The following PTPRG variants were observed in gnomAD, a reference collection of about 807,000 sequenced individuals.
The protein encoded by PTPRG is protein tyrosine phosphatase receptor type G.
Under a neutral mutation model 165.3 loss-of-function variants are expected in PTPRG, and 102 were observed. That is an observed-to-expected ratio of 0.62 (90% confidence interval 0.53 to 0.73). The LOEUF (loss-of-function observed/expected upper bound fraction) is 0.73. Ranked by LOEUF, PTPRG falls within the 30% of genes least tolerant of loss-of-function variation. The pLI is 0.00. For missense variants in PTPRG, 1,866 were observed against 1,861.4 expected, an observed-to-expected ratio of 1.00 and a Z score of -0.05; for synonymous variants, 675 against 669.5, an observed-to-expected ratio of 1.01 and a Z score of -0.13.
chr3:62,001,208 G>A (rs952976176), intron 3 of PTPRG, among the ~76,000 whole-genome samples: 1 of 152,182 alleles, frequency 6.6e-6, no homozygotes, highest in Non-Finnish European at 1.5e-5. Context: ...TGGAAGGGGT[G>A]GGTGGACATG....
intron 1 of PTPRG, among the ~76,000 whole-genome samples, chr3:61,741,032 T>C (rs1025827360): frequency 2.0e-5 from 3 of 152,144 alleles, no homozygotes; most frequent in Non-Finnish European, 1.5e-5. Flanking sequence ...AAATGAGAGG[T>C]TGATCAGAAT....
intron 2 of PTPRG, among the ~76,000 whole-genome samples, chr3:61,792,939 G>A (rs945949023): frequency 2.0e-5 from 3 of 152,076 alleles, no homozygotes; most frequent in African/African-American, 7.2e-5. Flanking sequence ...ATGTTGGCCA[G>A]GATGATCTTG....
At position 61,906,348 on chromosome 3, in the gene PTPRG, C is replaced by T. The variant is rs145045497; in HGVS notation, c.191-83277C>T. Among the ~76,000 whole-genome samples the T allele has an allele frequency of 1.3e-3, 197 of 151,250 alleles. 4 individuals carry two copies. In the East Asian group the frequency reaches 0.017, roughly 13 times the overall value. On this transcript the variant is annotated intron_variant, in intron 2 of 29. Transcript: ENST00000474889. ...GTGTGCACCTTTAATCCCAGCTCCTCGGGAGGCTGAGGCAGGAGAATCATG... is the reference window on the plus strand; with the variant it reads ...GTGTGCACCTTTAATCCCAGCTCCTTGGGAGGCTGAGGCAGGAGAATCATG...
chr3:61,604,628 G>C (rs9812317), intron 1 of PTPRG, among the ~76,000 whole-genome samples: 4,899 of 152,216 alleles, frequency 0.032, 240 homozygotes, highest in African/African-American at 0.11. Context: ...TTGGTAAACT[G>C]AGTAAGCTGG....
intron 1 of PTPRG, among the ~76,000 whole-genome samples, chr3:61,567,685 T>TAAAAA (rs1699949421): frequency 1.1e-5 from 1 of 87,510 alleles, no homozygotes. Context: ...AAAAAAAAAT[T>TAAAAA]AAAAGATCAA....
At chr3:62,134,152 G>A (rs1703620674) in intron 6 of PTPRG, among the ~76,000 whole-genome samples, 1 of 151,722 alleles carries the variant, frequency 6.6e-6, no homozygotes, top group South Asian at 2.1e-4. Context: ...AAACCTTCAG[G>A]CGACAGCAGA....
At chr3:62,098,665 C>A (rs1166800596) in intron 5 of PTPRG, among the ~76,000 whole-genome samples, 1 of 152,250 alleles carries the variant, frequency 6.6e-6, no homozygotes, top group African/African-American at 2.4e-5. Context: ...TTTCTGTATT[C>A]TTTATTACCT....
At chr3:62,105,227 A>G (rs1203335575) in intron 5 of PTPRG, among the ~76,000 whole-genome samples, 2 of 152,194 alleles carry the variant, frequency 1.3e-5, no homozygotes, top group Admixed American at 1.3e-4. Flanking sequence ...TGTTTTAGTC[A>G]TTGTCAGTGG....
intron 1 of PTPRG, among the ~76,000 whole-genome samples, chr3:61,598,886 T>G (rs1207513177): frequency 6.6e-6 from 1 of 152,134 alleles, no homozygotes; most frequent in Non-Finnish European, 1.5e-5. Context: ...TCACCTGGTG[T>G]TCTCCCTGGC....
chr3:62,200,539 G>A (rs1209116772), intron 10 of PTPRG, among the ~76,000 whole-genome samples: 1 of 152,122 alleles, frequency 6.6e-6, no homozygotes, highest in African/African-American at 2.4e-5. Flanking sequence ...AAAGTGCTAG[G>A]ATTACAGGCT....
intron 7 of PTPRG, among the ~76,000 whole-genome samples, chr3:62,163,559 G>A (rs1279116591): frequency 6.6e-6 from 1 of 152,198 alleles, no homozygotes; most frequent in Non-Finnish European, 1.5e-5. Context: ...ACTTAAAGAA[G>A]TACCTGGCAT....
intron 7 of PTPRG, among the ~76,000 whole-genome samples, chr3:62,162,720 A>T (rs181100803): frequency 6.6e-6 from 1 of 152,356 alleles, no homozygotes; most frequent in Admixed American, 6.5e-5. Flanking sequence ...TTGTTTCAGG[A>T]CTTATACTAT....
intron 8 of PTPRG, among the ~76,000 whole-genome samples, chr3:62,173,267 A>G (rs1705288735): frequency 6.6e-6 from 1 of 151,910 alleles, no homozygotes; most frequent in South Asian, 2.1e-4. Context: ...TTTCCTTCCA[A>G]ATATTTTTGG....
intron 14 of PTPRG, among the ~76,000 whole-genome samples, chr3:62,231,602 G>C (rs1202063047): frequency 5.9e-5 from 9 of 152,042 alleles, no homozygotes; most frequent in African/African-American, 2.2e-4. Flanking sequence ...ATGTTTGTGT[G>C]TCTGTATGTG....
At chr3:62,137,710 G>A (rs538792633) in intron 6 of PTPRG, among the ~76,000 whole-genome samples, 1 of 152,134 alleles carries the variant, frequency 6.6e-6, no homozygotes, top group East Asian at 1.9e-4. Context: ...CTTCTTCTCA[G>A]TCCAACCACT....
chr3:62,110,089 C>CTTTTTTTTTTTTTT (rs371457716), intron 5 of PTPRG, among the ~76,000 whole-genome samples: 1 of 79,960 alleles, frequency 1.3e-5, no homozygotes, highest in African/African-American at 4.9e-5. Context: ...GAAATAATGG[C>CTTTTTTTTTTTTTT]TTTTTTTTTT....
chr3:61,751,528 C>CT (rs1374951172), intron 2 of PTPRG, among the ~76,000 whole-genome samples: 1 of 152,058 alleles, frequency 6.6e-6, no homozygotes, highest in Non-Finnish European at 1.5e-5. Flanking sequence ...TTTAGGGGTG[C>CT]AGTGTGTGAG....
chr3:61,626,991 GA>G (rs1421676452), intron 1 of PTPRG, among the ~76,000 whole-genome samples: 1 of 152,194 alleles, frequency 6.6e-6, no homozygotes, highest in Non-Finnish European at 1.5e-5. Context: ...TTTATGTATG[GA>G]ATGGCTTAAA....
intron 2 of PTPRG, among the ~76,000 whole-genome samples, chr3:61,754,559 T>C (rs542465570): frequency 6.6e-6 from 1 of 152,222 alleles, no homozygotes; most frequent in South Asian, 2.1e-4. Context: ...TTTGTGGAGA[T>C]TTGGTGCATG....
Sources: gnomAD v4.1 joint callset for allele counts (sites outside exome capture counted in the v4.1 genomes callset) on GRCh38, gnomAD v4.1.1 for gene constraint, MANE v1.5 for transcripts, NCBI Gene and HGNC (gene_info 2026-07-23, HGNC 2026-07-21) for gene names.